UBXN7: variants seen among roughly 807,000 people sequenced by gnomAD.
UBXN7 encodes the protein UBX domain-containing protein 7.
Under a neutral mutation model 58.0 loss-of-function variants are expected in UBXN7, and 9 were observed. The observed-to-expected ratio is 0.16, with a 90% CI of 0.09 to 0.27. The LOEUF is 0.27. Ranked by LOEUF, UBXN7 falls within the 10% of genes least tolerant of loss-of-function variation. The probability of loss-of-function intolerance (pLI) is 1.00; values close to 1 mark genes in which losing one functional copy is unlikely to be tolerated. For synonymous variants in UBXN7, 208 were observed against 205.0 expected, an observed-to-expected ratio of 1.01 and a Z score of -0.12; for missense variants, 328 against 599.6, an observed-to-expected ratio of 0.55 and a Z score of 4.73.
rs1039253181 is a variant in UBXN7, at chr3:196,351,469, T to C, written c.*5216A>G. 2 of 148,510 alleles carry C rather than the reference T, an allele frequency of 1.3e-5. No homozygotes were observed. Among genetic ancestry groups the C allele is most frequent in the Admixed American group, 7.0e-5 (1 of 14,372 alleles). The allele number at this position is 148,510 out of a possible 1,614,324, so 9.2% of individuals were successfully genotyped here. ...TAAGAGCAAGTTGTTGGTCAAATGATACCTGAACACAGAATAAAAAAAAGA... is the reference window on the plus strand; with the variant it reads ...TAAGAGCAAGTTGTTGGTCAAATGACACCTGAACACAGAATAAAAAAAAGA... On this transcript the variant is annotated 3_prime_UTR_variant, in exon 11 of 11. Transcript: ENST00000296328.
At chr3:196,362,245 C>G (rs746733857) in intron 9 of UBXN7, 49 bp downstream of exon 9, 1 of 1,539,110 alleles carries the variant, frequency 6.5e-7, no homozygotes, top group African/African-American at 1.4e-5. Flanking sequence ...CCACCACGCC[C>G]GGCCCCAATA....
chr3:196,428,061 C>G (rs1471419186), intron 1 of UBXN7, among the ~76,000 whole-genome samples: 1 of 152,120 alleles, frequency 6.6e-6, no homozygotes, highest in Non-Finnish European at 1.5e-5. Flanking sequence ...GAGGCGGAGA[C>G]AGCAGTGAGC....
At position 196,429,494 on chromosome 3, in the gene UBXN7, T is replaced by G. The variant is rs538191497; in HGVS notation, c.73+2833A>C. Among the ~76,000 whole-genome samples, 21 of 152,344 alleles carry G rather than the reference T, an allele frequency of 1.4e-4. No individual in the cohort carries two copies. The South Asian group carries it at 2.7e-3, about 20-fold the overall frequency. ...TTTATTTTTATTTTTTCTTTTTCTT[T>G]TTTTTGCTCCTGCCTAAAAAGTAAG... is the stretch of plus-strand genomic sequence containing the variant. On this transcript the variant is annotated intron_variant, in intron 1 of 10. Coordinates refer to ENST00000296328, the MANE Select transcript of UBXN7 (RefSeq NM_015562.2).
chr3:196,382,453 C>T (rs916907365), intron 5 of UBXN7, among the ~76,000 whole-genome samples: 4 of 152,148 alleles, frequency 2.6e-5, no homozygotes, highest in African/African-American at 9.7e-5. Flanking sequence ...CATTTTGTCA[C>T]CACCAGGCCT....
chr3:196,395,470 T>C (rs1729739955), intron 3 of UBXN7, among the ~76,000 whole-genome samples: 1 of 152,010 alleles, frequency 6.6e-6, no homozygotes, highest in Non-Finnish European at 1.5e-5. Context: ...TTTGAGACAG[T>C]GTCTCACTCT....
chr3:196,418,665 G>A (rs1730579016), intron 1 of UBXN7, among the ~76,000 whole-genome samples: 1 of 152,134 alleles, frequency 6.6e-6, no homozygotes, highest in South Asian at 2.1e-4. Context: ...GGAGGCAGTA[G>A]AAAACTAAAT....
intron 5 of UBXN7, among the ~76,000 whole-genome samples, chr3:196,383,423 G>C (rs952615213): frequency 6.6e-6 from 1 of 152,144 alleles, no homozygotes; most frequent in Non-Finnish European, 1.5e-5. Flanking sequence ...TCCAGGACCT[G>C]AACTCAGCTC....
At chr3:196,372,078 T>C in intron 5 of UBXN7, 36 bp from the exon 6 acceptor site, 1 of 1,556,124 alleles carries the variant, frequency 6.4e-7, no homozygotes, top group South Asian at 1.2e-5. Context: ...TTAGAAATAA[T>C]TTCTACTTAG....
At chr3:196,401,231 G>A (rs1238185620) in intron 3 of UBXN7, among the ~76,000 whole-genome samples, 1 of 77,384 alleles carries the variant, frequency 1.3e-5, no homozygotes, top group Non-Finnish European at 2.3e-5. Flanking sequence ...GACTAACATG[G>A]AGAAACCCCG....
intron 5 of UBXN7, 52 bp from the exon 6 acceptor site, chr3:196,372,094 G>A (rs763566164): frequency 1.3e-6 from 2 of 1,537,208 alleles, no homozygotes; most frequent in East Asian, 4.6e-5. Flanking sequence ...CTTAGTGACA[G>A]ATGTTTCCGT....
rs892377914 is a variant in UBXN7, at chr3:196,432,312, A to G, written c.73+15T>C. 7 of 1,613,310 alleles carry G rather than the reference A, an allele frequency of 4.3e-6. No homozygotes were observed. In the African/African-American group the frequency reaches 8.0e-5, roughly 18 times the overall value. ...CGGACCCCACTCTCCACCTTCCGGTAACCGCGTCTCTTACCGGTAATGGTG... is the reference window on the plus strand; with the variant it reads ...CGGACCCCACTCTCCACCTTCCGGTGACCGCGTCTCTTACCGGTAATGGTG... On this transcript the variant is annotated intron_variant, in intron 1 of 10. Transcript: ENST00000296328.
At chr3:196,385,043 C>G (rs1054892407) in intron 5 of UBXN7, among the ~76,000 whole-genome samples, 3 of 152,212 alleles carry the variant, frequency 2.0e-5, no homozygotes, top group Non-Finnish European at 4.4e-5. Context: ...CGGTCTCCCT[C>G]TGATGCTGAG....
chr3:196,410,505 C>T (rs1029991433), intron 1 of UBXN7, among the ~76,000 whole-genome samples: 1 of 152,106 alleles, frequency 6.6e-6, no homozygotes. Context: ...ATACAAGTCT[C>T]ATTATATCAT....
At chr3:196,362,751 G>A (rs1034372461) in intron 8 of UBXN7, 64 bp from the exon 9 acceptor site, 2 of 1,518,858 alleles carry the variant, frequency 1.3e-6, no homozygotes, top group African/African-American at 1.4e-5. Context: ...AAGTCAAACG[G>A]CATAAGAAAT....
At chr3:196,403,708 G>T (rs1408724688) in intron 2 of UBXN7, among the ~76,000 whole-genome samples, 1 of 151,830 alleles carries the variant, frequency 6.6e-6, no homozygotes, top group East Asian at 1.9e-4. Flanking sequence ...TAAATCACAA[G>T]GACATATTAA....
intron 2 of UBXN7, among the ~76,000 whole-genome samples, chr3:196,404,487 C>T (rs1486705682): frequency 1.3e-5 from 2 of 152,146 alleles, no homozygotes; most frequent in East Asian, 3.9e-4. Context: ...TGGTCTCAAT[C>T]TCCTGACCTC....
chr3:196,388,253 T>C (rs1729471549), intron 5 of UBXN7, among the ~76,000 whole-genome samples: 1 of 141,538 alleles, frequency 7.1e-6, no homozygotes. Flanking sequence ...TGAGATCACT[T>C]GGATACAGGG....
At chr3:196,375,794 C>T (rs35393778) in intron 5 of UBXN7, among the ~76,000 whole-genome samples, 204 of 152,188 alleles carry the variant, frequency 1.3e-3, no homozygotes, top group Middle Eastern at 3.4e-3. Context: ...TTTGGGAGGC[C>T]GATGTGGGCT....
At chr3:196,422,741 A>C (rs1730726966) in intron 1 of UBXN7, among the ~76,000 whole-genome samples, 1 of 152,174 alleles carries the variant, frequency 6.6e-6, no homozygotes, top group African/African-American at 2.4e-5. Context: ...TAATATAACT[A>C]TTATTATATG....
Sources: allele counts gnomAD v4.1 joint callset (sites outside exome capture counted in the v4.1 genomes callset), GRCh38; gene constraint gnomAD v4.1.1; transcripts MANE v1.5; gene names NCBI Gene and HGNC (gene_info 2026-07-23, HGNC 2026-07-21).